The following SPIDR variants were observed in gnomAD, a reference collection of about 807,000 sequenced individuals.
The protein encoded by SPIDR is DNA repair-scaffolding protein.
Under a neutral mutation model 104.6 loss-of-function variants are expected in SPIDR, and 93 were observed. The observed-to-expected ratio is 0.89, with a 90% confidence interval of 0.75 to 1.06. The LOEUF (loss-of-function observed/expected upper bound fraction) is 1.06. Ranked by LOEUF, SPIDR falls within the 50% of genes least tolerant of loss-of-function variation. The pLI is 0.00. For synonymous variants in SPIDR, 431 were observed against 416.9 expected (o/e 1.03, Z -0.41); for missense variants, 1,154 against 1,111.2 (o/e 1.04, Z -0.55).
rs200596703 is a variant in SPIDR at position 47,723,771 on chromosome 8, G to GT, written c.2342-3426dup. 3.1e-3 allele frequency among the ~76,000 whole-genome samples: 479 copies of GT among 152,072 alleles called. 2 individuals carry two copies. Among genetic ancestry groups the GT allele is most frequent in the African/African-American group, 0.011 (462 of 41,506 alleles). On this transcript the variant is annotated intron_variant, in intron 16 of 19. Coordinates refer to ENST00000297423, the MANE Select transcript of SPIDR (RefSeq NM_001080394.4). The stretch of plus-strand genomic sequence containing the variant: ...AAGTTTTTCTAGTGGTTACCCTGGA[G>GT]TTTGCAATACACTTTACAGCCAATC...
At chr8:47,533,220 G>A (rs2086313744) in intron 8 of SPIDR, among the ~76,000 whole-genome samples, 1 of 151,372 alleles carries the variant, frequency 6.6e-6, no homozygotes, top group Non-Finnish European at 1.5e-5. Flanking sequence ...ATAAATAGAA[G>A]GAACAAAATA....
At chr8:47,666,213 G>A (rs1368444331) in intron 10 of SPIDR, among the ~76,000 whole-genome samples, 3 of 152,192 alleles carry the variant, frequency 2.0e-5, no homozygotes, top group East Asian at 1.9e-4. Flanking sequence ...AATTAAAAAT[G>A]TAGTTCCTCA....
At chr8:47,319,803 T>C (rs201441087) in intron 5 of SPIDR, among the ~76,000 whole-genome samples, 4 of 151,944 alleles carry the variant, frequency 2.6e-5, no homozygotes, top group African/African-American at 7.3e-5. Context: ...CACTCAAAAC[T>C]GCTCAACTAC....
chr8:47,412,765 C>G (rs2063717500), intron 7 of SPIDR, among the ~76,000 whole-genome samples: 1 of 152,134 alleles, frequency 6.6e-6, no homozygotes, highest in Non-Finnish European at 1.5e-5. Flanking sequence ...GTATATTTAA[C>G]CTCTCAAATG....
chr8:47,644,212 T>C (rs1344227598), intron 10 of SPIDR, among the ~76,000 whole-genome samples: 2 of 152,150 alleles, frequency 1.3e-5, no homozygotes, highest in African/African-American at 2.4e-5. Flanking sequence ...CCCTGGAGAT[T>C]GCAGGCTCCA....
At chr8:47,580,599 G>A (rs551259345) in intron 8 of SPIDR, among the ~76,000 whole-genome samples, 30 of 151,524 alleles carry the variant, frequency 2.0e-4, no homozygotes, top group East Asian at 5.8e-4. Flanking sequence ...CCATGTCATC[G>A]TGTGCTGTGC....
Position 47,735,319 on chromosome 8 carries a change from AAG to A in SPIDR, c.2620_2621del (p.Ser874CysfsTer63), listed in dbSNP as rs759366997. On this transcript the variant is annotated frameshift_variant, in exon 20 of 20. Coordinates refer to ENST00000297423, the MANE Select transcript of SPIDR (RefSeq NM_001080394.4). LOFTEE classifies it low-confidence loss of function (END_TRUNC). ...TTTATCACTGCAGAGCTACGAAGTG[AAG>A]AGTGTCCTCGGAAAGGAAGTGGGGT... is the stretch of plus-strand genomic sequence containing the variant. ...AAGEDGSYEV[K>X]SVLGKEVGLL... 1.2e-6 allele frequency: 2 copies of A among 1,614,132 alleles called. No individual in the cohort carries two copies. The highest frequency in any genetic ancestry group is 1.7e-5 in the Admixed American group (1 of 60,024).
At chr8:47,360,864 G>A (rs2055736537) in intron 5 of SPIDR, 8 of 985,450 alleles carry the variant, frequency 8.1e-6, no homozygotes, top group Non-Finnish European at 9.6e-6. Context: ...CTTCTTGGAC[G>A]TGCTGGACCA....
intron 1 of SPIDR, among the ~76,000 whole-genome samples, chr8:47,274,870 G>A (rs1055258598): frequency 9.3e-5 from 14 of 151,212 alleles, no homozygotes; most frequent in Admixed American, 1.3e-4. Flanking sequence ...CACCGCGCCC[G>A]GCCTAGAACA....
chr8:47,641,619 G>A (rs1037834226), intron 10 of SPIDR, among the ~76,000 whole-genome samples: 2 of 152,168 alleles, frequency 1.3e-5, no homozygotes, highest in Non-Finnish European at 2.9e-5. Flanking sequence ...AAAAGGTAGT[G>A]GTACTAACAC....
Position 47,595,970 on chromosome 8 carries a change from A to G in SPIDR, c.1257A>G (p.Val419=). ...RRSISLAQMF[V]IKGLTNNSPE... ...GCATCTCTTTGGCCCAGATGTTTGT[A>G]ATTAAGGGTCTAACAAATAATTCAC... Residue 419 remains valine, a synonymous_variant, in exon 9 of 20, where the codon GTA becomes GTG. Transcript: ENST00000297423. The G allele has an allele frequency of 6.2e-7, 1 of 1,613,576 alleles. No individual in the cohort carries two copies. The highest frequency in any genetic ancestry group is 8.5e-7 in the Non-Finnish European group (1 of 1,179,878).
intron 6 of SPIDR, among the ~76,000 whole-genome samples, chr8:47,405,348 A>G (rs181355873): frequency 1.3e-5 from 2 of 151,870 alleles, no homozygotes; most frequent in African/African-American, 4.8e-5. Flanking sequence ...GTATATATAT[A>G]TGTATATTTA....
At chr8:47,505,014 C>T (rs1054640836) in intron 8 of SPIDR, among the ~76,000 whole-genome samples, 7 of 150,998 alleles carry the variant, frequency 4.6e-5, no homozygotes, top group African/African-American at 1.2e-4. Context: ...GCGGAGTACC[C>T]GGCCGTGTGA....
rs557167660 is a variant in SPIDR, at chr8:47,621,491, CTG to C, written c.1544+22297_1544+22298del. Among the ~76,000 whole-genome samples the C allele has an allele frequency of 2.6e-5, 4 of 152,296 alleles. 1 individual carries two copies. In the South Asian group the frequency reaches 8.3e-4, roughly 32 times the overall value. ...CATCCTCTCATCTCTGTTCTCGCTT[CTG>C]TCTTATTGTGCGCGCCTCTCTCTTG... On this transcript the variant is annotated intron_variant, in intron 10 of 19. Transcript: ENST00000297423.
intron 1 of SPIDR, among the ~76,000 whole-genome samples, chr8:47,262,350 C>T (rs1208902814): frequency 6.6e-6 from 1 of 151,916 alleles, no homozygotes; most frequent in African/African-American, 2.4e-5. Context: ...TTTTAGTAGT[C>T]GTACAGTTGT....
At chr8:47,385,961 T>A (rs1262387336) in intron 5 of SPIDR, among the ~76,000 whole-genome samples, 1 of 152,188 alleles carries the variant, frequency 6.6e-6, no homozygotes, top group Non-Finnish European at 1.5e-5. Context: ...CAATTATTTT[T>A]AAAATGTATC....
chr8:47,346,981 C>A (rs994461896), intron 5 of SPIDR, among the ~76,000 whole-genome samples: 1 of 152,056 alleles, frequency 6.6e-6, no homozygotes, highest in Non-Finnish European at 1.5e-5. Flanking sequence ...TTAGTTATTT[C>A]TTGCCTTCTG....
At chr8:47,601,770 C>T (rs1032371389) in intron 10 of SPIDR, among the ~76,000 whole-genome samples, 1 of 152,166 alleles carries the variant, frequency 6.6e-6, no homozygotes, top group Non-Finnish European at 1.5e-5. Flanking sequence ...TTGTCCAGGG[C>T]AGCAGAAGTG....
intron 7 of SPIDR, among the ~76,000 whole-genome samples, chr8:47,417,095 A>G (rs1588430587): frequency 6.6e-6 from 1 of 152,172 alleles, no homozygotes; most frequent in Non-Finnish European, 1.5e-5. Context: ...ATACATGTGC[A>G]TGTGTCTTTA....
Sources: gnomAD v4.1 joint callset for allele counts (sites outside exome capture counted in the v4.1 genomes callset) on GRCh38, gnomAD v4.1.1 for gene constraint, MANE v1.5 for transcripts, NCBI Gene and HGNC (gene_info 2026-07-23, HGNC 2026-07-21) for gene names.